FLNA: variants seen among roughly 807,000 people sequenced by gnomAD.
FLNA encodes filamin-A.
In FLNA, 7 loss-of-function variants were observed where a neutral mutation model predicts 157.6. The ratio of observed to expected loss-of-function variants is 0.04; its 90% confidence interval spans 0.03 to 0.08. The LOEUF (loss-of-function observed/expected upper bound fraction) is 0.08. FLNA is among the 10% of genes least tolerant of loss of function. FLNA has a pLI of 1.00. For missense variants in FLNA, 1,750 were observed against 2,398.4 expected (o/e 0.73, Z 5.65); for synonymous variants, 1,103 against 1,060.8 (o/e 1.04, Z -0.77).
At chrX:154,372,882 G>C (rs1490413856) in intron 1 of FLNA, among the ~76,000 whole-genome samples, 1 of 112,356 alleles carries the variant, frequency 8.9e-6, no homozygotes, top group East Asian at 2.8e-4. Context: ...AGCCCTGGGT[G>C]TCTACATGAC....
chrX:154,356,802 C>T (rs962427723), intron 30 of FLNA, among the ~76,000 whole-genome samples: 7 of 112,694 alleles, frequency 6.2e-5, no homozygotes, highest in South Asian at 3.6e-4. Flanking sequence ...TCCCCCGGCC[C>T]GGGACGCAGA....
Position 154,348,815 on chromosome X carries a change from G to A in FLNA, c.*34C>T. On this transcript the variant is annotated 3_prime_UTR_variant, in exon 48 of 48. Transcript: ENST00000369850. The stretch of plus-strand genomic sequence containing the variant: ...CGGGGCTGCTTGGGTAGCGGGGCAG[G>A]CTTGGGGGCTGCCGGCTGGCACGGG... 3.4e-6 allele frequency: 4 copies of A among 1,173,149 alleles called. No individual in the cohort carries two copies. Among genetic ancestry groups the A allele is most frequent in the Non-Finnish European group, 4.6e-6 (4 of 867,320 alleles).
chrX:154,363,570 CG>C (rs1308398430), intron 15 of FLNA, among the ~76,000 whole-genome samples: 6 of 109,294 alleles, frequency 5.5e-5, no homozygotes, highest in East Asian at 2.9e-4. Context: ...AAAAATTAGC[CG>C]GGGGGGTGGC....
intron 2 of FLNA, among the ~76,000 whole-genome samples, 171 bp downstream of exon 2, chrX:154,370,702 G>A (rs2067799325): frequency 8.8e-6 from 1 of 113,044 alleles, no homozygotes; most frequent in Admixed American, 9.2e-5. Context: ...CGGCCAGCCA[G>A]CCAGCCCGCG....
chrX:154,363,545 T>C (rs782295136), intron 15 of FLNA, among the ~76,000 whole-genome samples: 2 of 110,024 alleles, frequency 1.8e-5, no homozygotes, highest in Non-Finnish European at 3.8e-5. Context: ...AAACCTTGTC[T>C]CTACTAAAAA....
chrX:154,372,586 G>A (rs2067816275), intron 1 of FLNA, among the ~76,000 whole-genome samples: 1 of 110,943 alleles, frequency 9.0e-6, no homozygotes, highest in Non-Finnish European at 1.9e-5. Flanking sequence ...GATGTAGACT[G>A]GGACCAGGGG....
In FLNA at chrX:154,362,582, C is replaced by CGGCG. The variant is rs782040815; in HGVS notation, c.2405-8_2405-5dup. On this transcript the variant is annotated splice_region_variant and splice_polypyrimidine_tract_variant and intron_variant, in intron 16 of 47. Coordinates refer to ENST00000369850, the MANE Select transcript of FLNA (RefSeq NM_001110556.2). ...TTGATGCCGATGCTGACGTCCCCTG[C>CGGCG]GGCGGGGAGAGGAGCGGAGGCTGAG... The CGGCG allele has an allele frequency of 6.4e-5, 77 of 1,209,396 alleles. No individual in the cohort carries two copies. The highest frequency in any genetic ancestry group is 8.0e-5 in the Non-Finnish European group (72 of 894,860).
Position 154,354,479 on chromosome X carries a change from G to A in FLNA, c.5318C>T (p.Pro1773Leu), listed in dbSNP as rs377576796. The change falls in exon 33 of 48, where the codon CCG becomes CTG. Residue 1773 changes from proline (P) to leucine (L), a missense_variant. Physicochemically the swap from Pro to Leu is moderately conservative, Grantham distance 98. Around this residue, in one of 5 missense-constraint regions of FLNA, gnomAD observed 970 missense variants for 1,302.6 expected, o/e 0.74. Coordinates refer to ENST00000369850, the MANE Select transcript of FLNA (RefSeq NM_001110556.2). ...ATTGACACCCACCAGGGGCCTCTCC[G>A]GGGCCTGCAGTGGAGACACAGGGCA... ...YAQGGQQTWAPERPLVGVNGL... is the reference protein window; with the variant it reads ...YAQGGQQTWALERPLVGVNGL... 21 of 1,208,192 alleles carry A rather than the reference G, an allele frequency of 1.7e-5. No individual in the cohort carries two copies. The highest frequency in any genetic ancestry group is 1.0e-4 in the African/African-American group (6 of 57,614).
Position 154,358,196 on chromosome X carries a change from C to G in FLNA, c.4755+3G>C. 8.3e-7 allele frequency: 1 copy of G among 1,210,385 alleles called. No homozygotes were observed. Among genetic ancestry groups the G allele is most frequent in the African/African-American group, 1.7e-5 (1 of 57,906 alleles). ...GCCTCCCCTGCCTGTGCCCGGAGCT[C>G]ACCGTGATCTGGACAGCCAGCAGGC... On this transcript the variant is annotated splice_donor_region_variant and intron_variant, in intron 28 of 47. Coordinates refer to ENST00000369850, the MANE Select transcript of FLNA (RefSeq NM_001110556.2).
At position 154,371,169 on chromosome X, in the gene FLNA, G is replaced by A. The variant is rs782637786; in HGVS notation, c.77C>T (p.Ala26Val). 1.6e-5 allele frequency: 19 copies of A among 1,192,408 alleles called. No homozygotes were observed. Among genetic ancestry groups the A allele is most frequent in the Non-Finnish European group, 2.1e-5 (19 of 887,269 alleles). The change falls in exon 2 of 48, where the codon GCC (alanine) becomes GTC (valine). Residue 26 changes from alanine (A) to valine (V), a missense_variant. By Grantham distance (64) the Ala-to-Val change is moderately conservative. This residue lies in a region of FLNA where 58 missense variants were observed against 27.8 expected (regional missense o/e 2.09). Coordinates refer to ENST00000369850, the MANE Select transcript of FLNA (RefSeq NM_001110556.2). The part of the protein sequence containing the change: ...APGGGVDTRD[A>V]EMPATEKDLA... The stretch of plus-strand genomic sequence containing the variant: ...GTCCTTCTCGGTGGCCGGCATCTCG[G>A]CGTCCCGCGTGTCGACGCCGCCGCC...
rs781997389 is a variant in FLNA, at chrX:154,352,129, C to T, written c.6769+52G>A. On this transcript the variant is annotated intron_variant, in intron 41 of 47. Coordinates refer to ENST00000369850, the MANE Select transcript of FLNA (RefSeq NM_001110556.2). ...GCCGGCTCTTTCCTCCACCCCCAACCCCACCCTGGCCAACGCAGGAGAGCG... is the reference window on the plus strand; with the variant it reads ...GCCGGCTCTTTCCTCCACCCCCAACTCCACCCTGGCCAACGCAGGAGAGCG... 107 of 1,207,774 alleles carry T rather than the reference C, an allele frequency of 8.9e-5. No homozygotes were observed. In the South Asian group the frequency reaches 1.8e-3, roughly 20 times the overall value.
chrX:154,349,439 A>G lies in FLNA; in HGVS notation c.7679T>C (p.Val2560Ala), dbSNP rs1603358390. The change falls in exon 47 of 48, where the codon GTG becomes GCG. Residue 2560 changes from valine to alanine, a missense_variant. Val to Ala is a moderately conservative substitution (Grantham distance 64, BLOSUM62 0). Transcript: ENST00000369850. The stretch of plus-strand genomic sequence containing the variant: ...GCTCAGCCCCAGGCCCTTGGCCACC[A>G]CCTTGCTGGCGTCAGCAGGCCCAGG... ...PGPGPADASK[V>A]VAKGLGLSKA... 6 of 1,210,980 alleles carry G rather than the reference A, an allele frequency of 5.0e-6. No homozygotes were observed. The highest frequency in any genetic ancestry group is 2.3e-4 in the Middle Eastern group (1 of 4,350).
At position 154,358,447 on chromosome X, in the gene FLNA, C is replaced by T; in HGVS notation, c.4596G>A (p.Arg1532=). 1 of 1,211,477 alleles carries T rather than the reference C, an allele frequency of 8.3e-7. No homozygotes were observed. Among genetic ancestry groups the T allele is most frequent in the Non-Finnish European group, 1.1e-6 (1 of 895,407 alleles). The change falls in exon 27 of 48, where the codon CGG becomes CGA. Residue 1532 remains arginine (R), a splice_region_variant and synonymous_variant. Coordinates refer to ENST00000369850, the MANE Select transcript of FLNA (RefSeq NM_001110556.2). ...SVLYGDEEVP[R]SPFKVKVLPT... The stretch of plus-strand genomic sequence containing the variant: ...AGGCAGCAGGCCCTGCCTCTTACCT[C>T]CGGGGTACCTCTTCATCTCCATACA...
At chrX:154,372,293 C>T (rs2067814503) in intron 1 of FLNA, among the ~76,000 whole-genome samples, 1 of 113,157 alleles carries the variant, frequency 8.8e-6, no homozygotes, top group African/African-American at 3.2e-5. Flanking sequence ...GCGGGGGGTC[C>T]TCTCCTGTCG....
intron 1 of FLNA, among the ~76,000 whole-genome samples, chrX:154,373,336 A>G (rs1053153346): frequency 2.7e-5 from 3 of 112,183 alleles, no homozygotes; most frequent in Admixed American, 9.4e-5. Flanking sequence ...CCAGTGGTCA[A>G]TTCCAGCAGA....
rs1557177617 is a variant in FLNA at position 154,359,838 on chromosome X, C to T, written c.3873G>A (p.Pro1291=). 5.0e-6 allele frequency: 6 copies of T among 1,210,255 alleles called. No homozygotes were observed. The highest frequency in any genetic ancestry group is 4.3e-5 in the Admixed American group (2 of 46,127). The change falls in exon 23 of 48, where the codon CCG becomes CCA. Residue 1291 remains proline, a synonymous_variant. Transcript: ENST00000369850. ...DARALTQTGG[P]HVKARVANPS... Reference sequence around the variant, plus strand: ...GGTTGGCCACACGGGCCTTGACGTGCGGCCCTCCGGTCTGTGTCAGAGCCC... The same window carrying T: ...GGTTGGCCACACGGGCCTTGACGTGTGGCCCTCCGGTCTGTGTCAGAGCCC...
chrX:154,360,277 G>A lies in FLNA; in HGVS notation c.3518C>T (p.Ala1173Val). 3.3e-6 allele frequency: 4 copies of A among 1,211,776 alleles called. No homozygotes were observed. Among genetic ancestry groups the A allele is most frequent in the Non-Finnish European group, 4.5e-6 (4 of 895,640 alleles). Residue 1173 changes from alanine to valine, a missense_variant, in exon 22 of 48, where the codon GCC (alanine) becomes GTC (valine). Ala to Val is a moderately conservative substitution (Grantham distance 64, BLOSUM62 0). Coordinates refer to ENST00000369850, the MANE Select transcript of FLNA (RefSeq NM_001110556.2). ...GAATTGGCCCACCTCCCCAGCGGTG[G>A]CCCGCTCCAGCCCGGGGCCTGAGCA... ...VKCSGPGLER[A>V]TAGEVGQFQV...
intron 44 of FLNA, chrX:154,350,547 A>AG: frequency 2.6e-6 from 1 of 385,445 alleles, no homozygotes; most frequent in Non-Finnish European, 4.6e-6. Context: ...GCAGCTGGGA[A>AG]GGGCAGGACT....
rs1251276020 is a variant in FLNA at position 154,361,170 on chromosome X, G to GGTC, written c.3207+135_3207+137dup. The GGTC allele has an allele frequency of 1.6e-5, 9 of 575,287 alleles. No homozygotes were observed. In the Admixed American group the frequency reaches 3.3e-4, roughly 21 times the overall value. 47.4% of individuals were successfully genotyped at this position (575,287 alleles called of 1,213,427 possible). ...CTCCCCTTTACTCTCACTTAAACAG[G>GGTC]GTCAAGGTTGACAGTCTGTCTCAGG... On this transcript the variant is annotated intron_variant, in intron 21 of 47. Transcript: ENST00000369850.
Sources: allele counts gnomAD v4.1 joint callset (sites outside exome capture counted in the v4.1 genomes callset), GRCh38; gene constraint gnomAD v4.1.1; regional missense constraint gnomAD v4.1.1; transcripts MANE v1.5; gene names NCBI Gene and HGNC (gene_info 2026-07-23, HGNC 2026-07-21).